Variants in INPP4B observed in about 807,000 individuals in gnomAD.
The protein encoded by INPP4B is inositol polyphosphate-4-phosphatase type II B.
In INPP4B, 55 loss-of-function variants were observed where a neutral mutation model predicts 122.5. The ratio of observed to expected loss-of-function variants is 0.45; its 90% CI spans 0.36 to 0.56. The LOEUF (loss-of-function observed/expected upper bound fraction) is 0.56, where lower values mean the gene tolerates loss of function less well. Among genes scored for constraint, INPP4B ranks in the 20% least tolerant of loss-of-function variants. The pLI, the probability that INPP4B is intolerant of heterozygous loss-of-function variation, is 0.00. For synonymous variants in INPP4B, 403 were observed against 388.7 expected, an observed-to-expected ratio of 1.04 and a Z score of -0.43; for missense variants, 1,000 against 1,097.7, an observed-to-expected ratio of 0.91 and a Z score of 1.26.
chr4:142,267,483 A>C (rs1743382518), intron 10 of INPP4B, among the ~76,000 whole-genome samples: 1 of 152,220 alleles, frequency 6.6e-6, no homozygotes, highest in Non-Finnish European at 1.5e-5. Flanking sequence ...CTCTTTAACA[A>C]ATTGTGTTTG....
chr4:142,556,062 T>TTAATTAA (rs1191812674), intron 2 of INPP4B, among the ~76,000 whole-genome samples: 1 of 152,076 alleles, frequency 6.6e-6, no homozygotes, highest in African/African-American at 2.4e-5. Context: ...TTTCAACCTT[T>TTAATTAA]TAATTGACAG....
At chr4:142,550,321 T>C (rs1727663721) in intron 2 of INPP4B, among the ~76,000 whole-genome samples, 1 of 152,094 alleles carries the variant, frequency 6.6e-6, no homozygotes, top group African/African-American at 2.4e-5. Context: ...CAAATTGATA[T>C]TCTCCATAGG....
intron 25 of INPP4B, chr4:142,029,248 T>A (rs1560865546): frequency 2.0e-6 from 2 of 1,012,636 alleles, no homozygotes; most frequent in Admixed American, 1.1e-4. Flanking sequence ...CAAATTAATT[T>A]CTCAGTCTCT....
intron 7 of INPP4B, among the ~76,000 whole-genome samples, chr4:142,397,018 C>T (rs1426943476): frequency 6.6e-6 from 1 of 152,092 alleles, no homozygotes; most frequent in African/African-American, 2.4e-5. Flanking sequence ...CATGGGCATA[C>T]GCAATTGTCA....
At chr4:142,088,549 C>T (rs1259901367) in intron 23 of INPP4B, among the ~76,000 whole-genome samples, 1 of 152,068 alleles carries the variant, frequency 6.6e-6, no homozygotes, top group Non-Finnish European at 1.5e-5. Flanking sequence ...TGTATGTTGG[C>T]TTCTCTTGGC....
At chr4:142,307,884 CAT>C (rs1321617334) in intron 8 of INPP4B, among the ~76,000 whole-genome samples, 4 of 152,172 alleles carry the variant, frequency 2.6e-5, no homozygotes, top group African/African-American at 9.7e-5. Flanking sequence ...GCTGGCTACA[CAT>C]GTCATGAGAT....
chr4:142,197,631 T>C (rs759084515), intron 14 of INPP4B, among the ~76,000 whole-genome samples: 14 of 152,136 alleles, frequency 9.2e-5, no homozygotes, highest in Middle Eastern at 3.2e-3. Flanking sequence ...ATGTTAATAA[T>C]AATGATGGCA....
At chr4:142,715,610 G>A (rs1763664347) in intron 2 of INPP4B, among the ~76,000 whole-genome samples, 1 of 152,142 alleles carries the variant, frequency 6.6e-6, no homozygotes, top group African/African-American at 2.4e-5. Flanking sequence ...TAAAGGCATA[G>A]GTGAAAGTGG....
intron 2 of INPP4B, among the ~76,000 whole-genome samples, chr4:142,532,437 T>A (rs1377970532): frequency 2.6e-5 from 4 of 152,178 alleles, no homozygotes; most frequent in Admixed American, 2.6e-4. Flanking sequence ...AACATTTTCC[T>A]AACCTCCATC....
At chr4:142,227,316 A>C (rs1851980220) in intron 12 of INPP4B, among the ~76,000 whole-genome samples, 1 of 152,136 alleles carries the variant, frequency 6.6e-6, no homozygotes, top group Admixed American at 6.5e-5. Flanking sequence ...TGTTTCCAAG[A>C]AGCAGGTGAA....
intron 2 of INPP4B, among the ~76,000 whole-genome samples, chr4:142,648,444 G>C (rs759470325): frequency 6.6e-5 from 10 of 152,178 alleles, no homozygotes; most frequent in Non-Finnish European, 1.5e-4. Context: ...ACTGTACCTG[G>C]AAAAACAGGA....
intron 9 of INPP4B, among the ~76,000 whole-genome samples, chr4:142,284,104 T>C (rs775019455): frequency 6.6e-6 from 1 of 152,056 alleles, no homozygotes; most frequent in Non-Finnish European, 1.5e-5. Context: ...GCTGTTTAGC[T>C]GCTAAAGTAA....
chr4:142,750,866 T>C (rs1251892193), intron 1 of INPP4B, among the ~76,000 whole-genome samples: 3 of 152,128 alleles, frequency 2.0e-5, no homozygotes, highest in African/African-American at 4.8e-5. Context: ...ACCAATACTA[T>C]TGTTTTTTAG....
chr4:142,667,935 G>A (rs192393823), intron 2 of INPP4B, among the ~76,000 whole-genome samples: 1 of 152,170 alleles, frequency 6.6e-6, no homozygotes, highest in East Asian at 1.9e-4. Context: ...CAAAAGTCTG[G>A]GACCTGACAG....
intron 2 of INPP4B, among the ~76,000 whole-genome samples, chr4:142,543,496 A>G (rs1168305894): frequency 6.6e-6 from 1 of 152,200 alleles, no homozygotes; most frequent in Non-Finnish European, 1.5e-5. Flanking sequence ...AGCTAAATCC[A>G]TTAGTAAAAT....
intron 7 of INPP4B, chr4:142,347,506 T>A: frequency 2.3e-6 from 1 of 442,258 alleles, no homozygotes; most frequent in Non-Finnish European, 4.5e-6. Flanking sequence ...GTTTGAACAC[T>A]TGCCTCAGGG....
intron 1 of INPP4B, among the ~76,000 whole-genome samples, chr4:142,742,943 C>T (rs1350195782): frequency 2.6e-5 from 4 of 151,686 alleles, no homozygotes; most frequent in African/African-American, 9.7e-5. Context: ...CTTTAGAATC[C>T]GATTATAAAA....
chr4:142,481,179 C>T (rs1050715964), intron 2 of INPP4B, among the ~76,000 whole-genome samples: 4 of 150,292 alleles, frequency 2.7e-5, no homozygotes, highest in African/African-American at 9.8e-5. Context: ...GTTTAATCCT[C>T]TTCTGAACCT....
chr4:142,051,489 C>T (rs534445984), intron 25 of INPP4B, among the ~76,000 whole-genome samples: 3 of 151,790 alleles, frequency 2.0e-5, no homozygotes, highest in Non-Finnish European at 4.4e-5. Flanking sequence ...GTGGTTTCAT[C>T]GGTTTTTGCT....
Sources: gnomAD v4.1 joint callset for allele counts (sites outside exome capture counted in the v4.1 genomes callset) on GRCh38, gnomAD v4.1.1 for gene constraint, MANE v1.5 for transcripts, NCBI Gene and HGNC (gene_info 2026-07-23, HGNC 2026-07-21) for gene names.